Variants in WDR17 observed in about 807,000 individuals in gnomAD.
The protein encoded by WDR17 is WD repeat-containing protein 17.
WDR17 carries 143 observed loss-of-function variants against 161.7 expected under a neutral mutation model. The ratio of observed to expected loss-of-function variants is 0.88; its 90% CI spans 0.77 to 1.02. The LOEUF is 1.02. Ranked by LOEUF, WDR17 falls within the 50% of genes least tolerant of loss-of-function variation. The pLI, the probability that WDR17 is intolerant of heterozygous loss-of-function variation, is 0.00. For synonymous variants in WDR17, 517 were observed against 515.6 expected, an observed-to-expected ratio of 1.00 and a Z score of -0.04; for missense variants, 1,469 against 1,520.9, an observed-to-expected ratio of 0.97 and a Z score of 0.57.
intron 1 of WDR17, among the ~76,000 whole-genome samples, chr4:176,080,337 G>A (rs541179853): frequency 6.6e-6 from 1 of 151,738 alleles, no homozygotes; most frequent in Admixed American, 6.6e-5. Context: ...TCTAAAACTG[G>A]ATGGGATCAC....
At chr4:176,162,219 A>C (rs765865560) in intron 21 of WDR17, 45 bp downstream of exon 21, 2 of 1,559,058 alleles carry the variant, frequency 1.3e-6, no homozygotes, top group East Asian at 4.5e-5. Flanking sequence ...AGTTTTTTAG[A>C]TATGTCATGG....
chr4:176,173,387 A>G lies in WDR17; in HGVS notation c.3347+18A>G, dbSNP rs1751018739. The G allele has an allele frequency of 6.6e-7, 1 of 1,512,152 alleles. No individual in the cohort carries two copies. The highest frequency in any genetic ancestry group is 1.4e-5 in the African/African-American group (1 of 72,492). 93.7% of individuals were successfully genotyped at this position (1,512,152 alleles called of 1,614,324 possible). A position where few individuals can be genotyped will look rare whatever the true frequency, so the allele number is the denominator to read the frequency against. On this transcript the variant is annotated intron_variant, in intron 25 of 28. Transcript: ENST00000508596. Reference sequence around the variant, plus strand: ...TGTACTGAGTGAGTATTTTTTCTGCAAAATATATAAGTGAATCTATTTGAT... The same window carrying G: ...TGTACTGAGTGAGTATTTTTTCTGCGAAATATATAAGTGAATCTATTTGAT...
intron 22 of WDR17, among the ~76,000 whole-genome samples, chr4:176,165,297 C>T (rs951951324): frequency 5.9e-5 from 9 of 152,030 alleles, no homozygotes; most frequent in African/African-American, 2.2e-4. Flanking sequence ...TGAACTCAGG[C>T]GATGGAGGTT....
At chr4:176,145,868 G>A (rs918429856) in intron 11 of WDR17, 127 bp from the exon 12 acceptor site, 4 of 768,020 alleles carry the variant, frequency 5.2e-6, no homozygotes, top group African/African-American at 1.8e-5. Context: ...ACATATGTAA[G>A]TTTTTAGTCT....
chr4:176,090,271 A>G (rs1224441461), intron 1 of WDR17, among the ~76,000 whole-genome samples: 2 of 151,416 alleles, frequency 1.3e-5, no homozygotes, highest in Middle Eastern at 3.2e-3. Context: ...AAAAAAAAAA[A>G]AAGCCTGGCA....
At chr4:176,077,876 G>T (rs1417523512) in intron 1 of WDR17, among the ~76,000 whole-genome samples, 2 of 151,898 alleles carry the variant, frequency 1.3e-5, no homozygotes, top group African/African-American at 4.8e-5. Flanking sequence ...ACTACCTGTG[G>T]TTTAGTCCAC....
intron 1 of WDR17, among the ~76,000 whole-genome samples, chr4:176,093,374 G>T (rs915217574): frequency 2.0e-5 from 3 of 152,038 alleles, no homozygotes; most frequent in Admixed American, 6.6e-5. Flanking sequence ...ACCCAGAGTA[G>T]CCAAAAGTCA....
intron 25 of WDR17, among the ~76,000 whole-genome samples, chr4:176,173,706 G>A (rs933596196): frequency 6.6e-6 from 1 of 151,764 alleles, no homozygotes; most frequent in African/African-American, 2.4e-5. Context: ...TAGTAGAGAC[G>A]GGGTTTTACC....
At chr4:176,066,209 G>T (rs1732506260) in intron 1 of WDR17, 130 bp downstream of exon 1, 1 of 152,326 alleles carries the variant, frequency 6.6e-6, no homozygotes, top group Admixed American at 6.5e-5. Context: ...GGTAATGTAC[G>T]TCCTGCAGGG....
At chr4:176,107,568 G>A (rs1298213105) in intron 1 of WDR17, among the ~76,000 whole-genome samples, 1 of 151,306 alleles carries the variant, frequency 6.6e-6, no homozygotes, top group Non-Finnish European at 1.5e-5. Flanking sequence ...AGGAAATATG[G>A]CATATATGCA....
intron 18 of WDR17, among the ~76,000 whole-genome samples, chr4:176,156,956 T>C (rs1748238396): frequency 1.3e-5 from 2 of 152,184 alleles, no homozygotes; most frequent in South Asian, 2.1e-4. Context: ...CCTCTTCTTA[T>C]AAGTCATGAG....
rs565764348 is a variant in WDR17, at chr4:176,162,127, C to T, written c.2803C>T (p.Arg935Ter). The T allele has an allele frequency of 9.3e-6, 15 of 1,613,180 alleles. No individual in the cohort carries two copies. The highest frequency in any genetic ancestry group is 5.5e-5 in the South Asian group (5 of 90,970). The change falls in exon 21 of 29, where the codon CGA (arginine) becomes TGA (stop). Residue 935 changes from arginine (R) to a stop codon, truncating the protein, a stop_gained. Transcript: ENST00000508596. LOFTEE classifies it high-confidence loss of function. ...ELAEWYFQDG[R>*]AVLAACCHLA... is the part of the protein sequence containing the mutation. Reference sequence around the variant, plus strand: ...GGCAGAATGGTATTTTCAAGATGGTCGAGCAGTACTAGCCGCATGTTGCCA... The same window carrying T: ...GGCAGAATGGTATTTTCAAGATGGTTGAGCAGTACTAGCCGCATGTTGCCA...
intron 1 of WDR17, among the ~76,000 whole-genome samples, chr4:176,078,719 G>A (rs770175466): frequency 1.3e-5 from 2 of 151,910 alleles, no homozygotes; most frequent in Admixed American, 6.6e-5. Context: ...TTTGATCTTT[G>A]TCATGGGCTT....
chr4:176,088,622 A>G (rs1735719766), intron 1 of WDR17, among the ~76,000 whole-genome samples: 1 of 152,174 alleles, frequency 6.6e-6, no homozygotes, highest in African/African-American at 2.4e-5. Context: ...TTTCTGTGGT[A>G]ATGGTAAGAA....
At chr4:176,136,380 G>T (rs1406632191) in intron 8 of WDR17, among the ~76,000 whole-genome samples, 2 of 151,528 alleles carry the variant, frequency 1.3e-5, no homozygotes, top group African/African-American at 4.8e-5. Context: ...CATATTAGTT[G>T]AATACTCTTC....
chr4:176,075,618 AC>A (rs1463044707), intron 1 of WDR17, among the ~76,000 whole-genome samples: 6 of 152,194 alleles, frequency 3.9e-5, no homozygotes, highest in African/African-American at 4.8e-5. Flanking sequence ...TAAGAGGAAT[AC>A]ATGTGTAAAT....
Position 176,149,895 on chromosome 4 carries a change from C to T in WDR17, c.1986C>T (p.Val662=). 6.2e-7 allele frequency: 1 copy of T among 1,613,908 alleles called. No homozygotes were observed. Among genetic ancestry groups the T allele is most frequent in the Non-Finnish European group, 8.5e-7 (1 of 1,179,994 alleles). The change falls in exon 14 of 29, where the codon GTC becomes GTT. Residue 662 remains valine (V), a synonymous_variant. Coordinates refer to ENST00000508596, the MANE Select transcript of WDR17 (RefSeq NM_181265.4). ...TVRLWSLTAL[V]TPVQINILAD... is the part of the protein sequence containing the mutation. ...GACTCTGGTCATTAACAGCCTTAGT[C>T]ACTCCTGTACAAATAAATATTCTGG... is the stretch of plus-strand genomic sequence containing the variant.
At chr4:176,136,713 C>T (rs191304031) in intron 8 of WDR17, among the ~76,000 whole-genome samples, 42 of 149,416 alleles carry the variant, frequency 2.8e-4, no homozygotes, top group Admixed American at 1.0e-3. Flanking sequence ...AGATACCAGA[C>T]GAAAAGAAAA....
At chr4:176,137,829 T>A (rs1744660066) in intron 9 of WDR17, among the ~76,000 whole-genome samples, 1 of 151,550 alleles carries the variant, frequency 6.6e-6, no homozygotes, top group Admixed American at 6.6e-5. Context: ...GTCAAAGGAA[T>A]TTTTGAGTCA....
Sources: allele counts gnomAD v4.1 joint callset (sites outside exome capture counted in the v4.1 genomes callset), GRCh38; gene constraint gnomAD v4.1.1; transcripts MANE v1.5; gene names NCBI Gene and HGNC (gene_info 2026-07-23, HGNC 2026-07-21).